Variants in NARS1 observed in about 807,000 individuals in gnomAD.
NARS1 encodes asparagine--tRNA ligase, cytoplasmic.
NARS1 carries 65 observed loss-of-function variants against 79.2 expected under a neutral mutation model. That is an observed-to-expected ratio of 0.82 (90% CI 0.67 to 1.01). NARS1 has a LOEUF of 1.01. NARS1 is among the 50% of genes least tolerant of loss of function. The pLI, the probability that NARS1 is intolerant of heterozygous loss-of-function variation, is 0.00. For synonymous variants in NARS1, 229 were observed against 238.8 expected (o/e 0.96, Z 0.38); for missense variants, 649 against 673.8 (o/e 0.96, Z 0.41).
rs202089771 is a variant in NARS1 at position 57,615,795 on chromosome 18, C to T, written c.252+22G>A. 931 of 1,610,590 alleles carry T rather than the reference C, an allele frequency of 5.8e-4. 2 individuals are homozygous for T. Among genetic ancestry groups the T allele is most frequent in the South Asian group, 9.1e-4 (82 of 90,310 alleles). On this transcript the variant is annotated intron_variant, in intron 3 of 13. Coordinates refer to ENST00000256854, the MANE Select transcript of NARS1 (RefSeq NM_004539.4). ...AGAGTTCTAACTTTAACAACGTTCA[C>T]GATGGCAAGGTCAGGACTCACCTCT...
Position 57,601,408 on chromosome 18 carries a change from G to A in NARS1, c.*244C>T. ...AATGTATCCCTAACTACAGTTTCAT[G>A]CCAGGTATTTTCCCCGAACTTTGTT... is the stretch of plus-strand genomic sequence containing the variant. On this transcript the variant is annotated 3_prime_UTR_variant, in exon 14 of 14. Transcript: ENST00000256854. The A allele has an allele frequency of 2.8e-6, 1 of 351,288 alleles. No individual in the cohort carries two copies. The highest frequency in any genetic ancestry group is 4.7e-5 in the East Asian group (1 of 21,124). The allele number at this position is 351,288 out of a possible 1,614,324, so 21.8% of individuals were successfully genotyped here. A position where few individuals can be genotyped will look rare whatever the true frequency, so the allele number is the denominator to read the frequency against.
chr18:57,606,782 T>C (rs969100836), intron 9 of NARS1, 31 bp from the exon 10 acceptor site: 1 of 1,612,864 alleles, frequency 6.2e-7, no homozygotes, highest in African/African-American at 1.3e-5. Flanking sequence ...TCAGCACTGC[T>C]TTTCTCCTGC....
Position 57,613,741 on chromosome 18 carries a change from C to G in NARS1, c.343-61G>C. 5 of 1,377,142 alleles carry G rather than the reference C, an allele frequency of 3.6e-6. No homozygotes were observed. In the South Asian group the frequency reaches 5.9e-5, roughly 16 times the overall value. The allele number at this position is 1,377,142 out of a possible 1,614,324, so 85.3% of individuals were successfully genotyped here. A position where few individuals can be genotyped will look rare whatever the true frequency, so the allele number is the denominator to read the frequency against. Reference sequence around the variant, plus strand: ...TGTCATTTATACACACCAACTTTTTCACTAATATTAGGCAGACGGTAGTAA... The same window carrying G: ...TGTCATTTATACACACCAACTTTTTGACTAATATTAGGCAGACGGTAGTAA... On this transcript the variant is annotated intron_variant, in intron 4 of 13. Transcript: ENST00000256854.
chr18:57,618,370 G>A lies in NARS1; in HGVS notation c.93+2199C>T, dbSNP rs118158411. Among the ~76,000 whole-genome samples, 3 of 151,778 alleles carry A rather than the reference G, an allele frequency of 2.0e-5. No individual in the cohort carries two copies. In the East Asian group the frequency reaches 5.8e-4, roughly 29 times the overall value. The stretch of plus-strand genomic sequence containing the variant: ...TCCCATGAATACATGTAGGTCGTTC[G>A]GAATTCACTTATTACCCGACAATCT... On this transcript the variant is annotated intron_variant, in intron 2 of 13. Transcript: ENST00000256854.
chr18:57,604,515 C>T (rs2051537822), intron 11 of NARS1, among the ~76,000 whole-genome samples: 1 of 152,200 alleles, frequency 6.6e-6, no homozygotes, highest in Non-Finnish European at 1.5e-5. Context: ...CATCTACACA[C>T]ATTTCAACTG....
At chr18:57,601,890 A>G in intron 13 of NARS1, 107 bp from the exon 14 acceptor site, 1 of 1,235,150 alleles carries the variant, frequency 8.1e-7, no homozygotes, top group Non-Finnish European at 1.2e-6. Flanking sequence ...CACTGTGGTT[A>G]AGAATTCAAC....
chr18:57,605,914 A>T lies in NARS1; in HGVS notation c.1194T>A (p.Val398=). The part of the protein sequence containing the change: ...FKRMNYSDAI[V]WLKEHDVKKE... ...TCTTTACATCATGTTCTTTTAGCCA[A>T]ACGATAGCATCTGAATAGTTCATCC... Residue 398 remains valine (V), a synonymous_variant, in exon 11 of 14, where the codon GTT becomes GTA. Coordinates refer to ENST00000256854, the MANE Select transcript of NARS1 (RefSeq NM_004539.4). The T allele has an allele frequency of 6.2e-7, 1 of 1,613,776 alleles. No homozygotes were observed. The highest frequency in any genetic ancestry group is 8.5e-7 in the Non-Finnish European group (1 of 1,179,806).
At position 57,601,582 on chromosome 18, in the gene NARS1, G is replaced by A. The variant is rs1304827503; in HGVS notation, c.*70C>T. 6.9e-7 allele frequency: 1 copy of A among 1,444,082 alleles called. No individual in the cohort carries two copies. The highest frequency in any genetic ancestry group is 1.4e-5 in the South Asian group (1 of 71,102). 89.5% of individuals were successfully genotyped at this position (1,444,082 alleles called of 1,614,324 possible). ...ATGAAACAAAAAAAGGAAGATTCTGGCTTTTTGTTTTCTTTTTTAAAGAGC... is the reference window on the plus strand; with the variant it reads ...ATGAAACAAAAAAAGGAAGATTCTGACTTTTTGTTTTCTTTTTTAAAGAGC... On this transcript the variant is annotated 3_prime_UTR_variant, in exon 14 of 14. Coordinates refer to ENST00000256854, the MANE Select transcript of NARS1 (RefSeq NM_004539.4).
chr18:57,620,603 C>A lies in NARS1; in HGVS notation c.59G>T (p.Gly20Val). Residue 20 changes from glycine (G) to valine (V), a missense_variant, in exon 2 of 14, where the codon GGA becomes GTA. Transcript: ENST00000256854. ...TGTTTTAAATGGTTTCTCCTTGGTT[C>A]CATCTCCCGTGGCATCGCTTCCCTC... ...DREGSDATGD[G>V]TKEKPFKTGL... 6.2e-7 allele frequency: 1 copy of A among 1,613,780 alleles called. No homozygotes were observed. Among genetic ancestry groups the A allele is most frequent in the Non-Finnish European group, 8.5e-7 (1 of 1,179,854 alleles).
At chr18:57,613,220 G>A (rs1352849674) in intron 5 of NARS1, among the ~76,000 whole-genome samples, 7 of 151,432 alleles carry the variant, frequency 4.6e-5, no homozygotes, top group Non-Finnish European at 5.9e-5. Context: ...AGGGCCGGGC[G>A]CAGCGGCTCA....
rs1200105153 is a variant in NARS1, at chr18:57,615,642, C to T, written c.341G>A (p.Cys114Tyr). The stretch of plus-strand genomic sequence containing the variant: ...ATTTGAAAAGATAAACAAACTTACA[C>T]ATTTTGGCTCTGGGAGACTTGGATC... ...KNDPSLPEPK[C>Y]VKIGALEGYR... is the part of the protein sequence containing the mutation. Residue 114 changes from cysteine (C) to tyrosine (Y), a missense_variant and splice_region_variant, in exon 4 of 14, where the codon TGT (cysteine) becomes TAT (tyrosine). By Grantham distance (194) the Cys-to-Tyr change is radical. Transcript: ENST00000256854. The T allele has an allele frequency of 1.9e-6, 3 of 1,600,942 alleles. No individual in the cohort carries two copies. The highest frequency in any genetic ancestry group is 1.3e-5 in the African/African-American group (1 of 74,600).
chr18:57,608,662 T>C (rs1416953132), intron 7 of NARS1, among the ~76,000 whole-genome samples: 4 of 152,206 alleles, frequency 2.6e-5, no homozygotes, highest in African/African-American at 9.6e-5. Flanking sequence ...ACAATGTACA[T>C]ATTTCACTGG....
At chr18:57,607,406 A>C (rs1426967399) in intron 8 of NARS1, 38 bp downstream of exon 8, 2 of 1,612,206 alleles carry the variant, frequency 1.2e-6, no homozygotes, top group South Asian at 1.1e-5. Context: ...AACGGCAAAA[A>C]ACATATTCTT....
At chr18:57,609,282 TACAA>T (rs761671646) in intron 7 of NARS1, 71 bp downstream of exon 7, 3 of 1,226,326 alleles carry the variant, frequency 2.4e-6, no homozygotes, top group African/African-American at 1.5e-5. Flanking sequence ...ATGCCAAATG[TACAA>T]ACAAAGACAC....
chr18:57,615,801 C>T lies in NARS1; in HGVS notation c.252+16G>A. 30 of 1,610,722 alleles carry T rather than the reference C, an allele frequency of 1.9e-5. No individual in the cohort carries two copies. Among genetic ancestry groups the T allele is most frequent in the Non-Finnish European group, 2.5e-5 (30 of 1,178,882 alleles). On this transcript the variant is annotated intron_variant, in intron 3 of 13. Transcript: ENST00000256854. ...CTAACTTTAACAACGTTCACGATGGCAAGGTCAGGACTCACCTCTTTCTTT... is the reference window on the plus strand; with the variant it reads ...CTAACTTTAACAACGTTCACGATGGTAAGGTCAGGACTCACCTCTTTCTTT...
chr18:57,605,075 G>T (rs2051541374), intron 11 of NARS1, among the ~76,000 whole-genome samples: 1 of 150,222 alleles, frequency 6.7e-6, no homozygotes, highest in Non-Finnish European at 1.5e-5. Context: ...CACTGTTTTG[G>T]GGGAGGGGAT....
chr18:57,618,956 A>G (rs1908175242), intron 2 of NARS1, among the ~76,000 whole-genome samples: 1 of 152,208 alleles, frequency 6.6e-6, no homozygotes, highest in Non-Finnish European at 1.5e-5. Context: ...ATGACACACC[A>G]AAGTTTATAA....
chr18:57,612,621 A>G (rs1301762053), intron 5 of NARS1, among the ~76,000 whole-genome samples: 2 of 152,146 alleles, frequency 1.3e-5, no homozygotes, highest in Non-Finnish European at 2.9e-5. Context: ...TTTTTATTAG[A>G]GAAGAGGTTT....
intron 11 of NARS1, among the ~76,000 whole-genome samples, chr18:57,605,585 T>C (rs2051547020): frequency 7.7e-6 from 1 of 129,190 alleles, no homozygotes; most frequent in South Asian, 2.3e-4. Flanking sequence ...CTGCACTCCG[T>C]AGGCGACAGA....
Sources: allele counts gnomAD v4.1 joint callset (sites outside exome capture counted in the v4.1 genomes callset), GRCh38; gene constraint gnomAD v4.1.1; transcripts MANE v1.5; gene names NCBI Gene and HGNC (gene_info 2026-07-23, HGNC 2026-07-21).